The following EML6 variants were observed in gnomAD, a reference collection of about 807,000 sequenced individuals.
The protein encoded by EML6 is EMAP like 6.
A neutral mutation model predicts 240.1 loss-of-function variants in EML6; 154 were observed. That is an observed-to-expected ratio of 0.64 (90% CI 0.56 to 0.73). The LOEUF (loss-of-function observed/expected upper bound fraction) is 0.73, where lower values mean the gene tolerates loss of function less well. Ranked by LOEUF, EML6 falls within the 30% of genes least tolerant of loss-of-function variation. The pLI is 0.00. For synonymous variants in EML6, 1,148 were observed against 899.0 expected (o/e 1.28, Z -4.95); for missense variants, 2,964 against 2,474.6 (o/e 1.20, Z -4.20).
chr2:54,823,868 C>CTCTCTCTCTCTCTCTCTCTCTT (rs1376831009), intron 5 of EML6, among the ~76,000 whole-genome samples: 29 of 148,234 alleles, frequency 2.0e-4, no homozygotes, highest in African/African-American at 7.2e-4. Flanking sequence ...CTCTCTCTCT[C>CTCTCTCTCTCTCTCTCTCTCTT]TCTCTCTCTT....
At chr2:54,949,489 A>G (rs888350847) in intron 29 of EML6, among the ~76,000 whole-genome samples, 1 of 152,162 alleles carries the variant, frequency 6.6e-6, no homozygotes, top group African/African-American at 2.4e-5. Context: ...TCCCAAGCCC[A>G]AGATCACCAA....
chr2:54,800,441 TG>T (rs1670069418), intron 2 of EML6, among the ~76,000 whole-genome samples: 1 of 152,228 alleles, frequency 6.6e-6, no homozygotes, highest in East Asian at 1.9e-4. Context: ...ATATATATTT[TG>T]GGGTACCTAT....
At position 54,851,319 on chromosome 2, in the gene EML6, G is replaced by A. The variant is rs182453055; in HGVS notation, c.1444+1101G>A. Among the ~76,000 whole-genome samples, 389 of 152,220 alleles carry A rather than the reference G, an allele frequency of 2.6e-3. 3 individuals carry two copies. Among genetic ancestry groups the A allele is most frequent in the Non-Finnish European group, 3.0e-3 (202 of 67,996 alleles). On this transcript the variant is annotated intron_variant, in intron 10 of 41. Transcript: ENST00000356458. ...TTCCAGCTACTTGGGAGGCTAAGGCGGCAGAATTGCTTGAACCCAGGAGGT... is the reference window on the plus strand; with the variant it reads ...TTCCAGCTACTTGGGAGGCTAAGGCAGCAGAATTGCTTGAACCCAGGAGGT...
At chr2:54,838,982 C>T (rs1268840093) in intron 7 of EML6, among the ~76,000 whole-genome samples, 3 of 152,210 alleles carry the variant, frequency 2.0e-5, no homozygotes, top group Non-Finnish European at 4.4e-5. Flanking sequence ...ATTCCAAATA[C>T]TAGCTTATAT....
In EML6 at chr2:54,952,674, G is replaced by A. The variant is rs1205316907; in HGVS notation, c.4294G>A (p.Val1432Met). The change falls in exon 31 of 42, where the codon GTG becomes ATG. Residue 1432 changes from valine to methionine, a missense_variant. By Grantham distance (21) the Val-to-Met change is conservative (BLOSUM62 1). Coordinates refer to ENST00000356458, the MANE Select transcript of EML6 (RefSeq NM_001039753.4). ...VNQHPKYRNV[V>M]ATSQIGTTPS... ...CCAGCACCCCAAGTACAGAAACGTG[G>A]TGGCCACCAGCCAGATAGGTAGGAG... is the stretch of plus-strand genomic sequence containing the variant. The A allele has an allele frequency of 6.4e-7, 1 of 1,551,170 alleles. No individual in the cohort carries two copies. Among genetic ancestry groups the A allele is most frequent in the Non-Finnish European group, 8.7e-7 (1 of 1,146,746 alleles).
intron 11 of EML6, among the ~76,000 whole-genome samples, chr2:54,859,069 T>C (rs1670538284): frequency 2.0e-5 from 3 of 152,246 alleles, no homozygotes; most frequent in Admixed American, 6.5e-5. Flanking sequence ...CTGGGGTTAG[T>C]GTTCACTGAG....
At chr2:54,935,243 A>G (rs937695315) in intron 28 of EML6, among the ~76,000 whole-genome samples, 44 of 152,186 alleles carry the variant, frequency 2.9e-4, no homozygotes, top group African/African-American at 1.1e-3. Flanking sequence ...TCCCATGCTT[A>G]TCTTTGGTGT....
At chr2:54,775,392 T>C (rs914361022) in intron 2 of EML6, among the ~76,000 whole-genome samples, 5 of 152,172 alleles carry the variant, frequency 3.3e-5, no homozygotes, top group African/African-American at 1.2e-4. Context: ...TCAGGACTTT[T>C]GGACTTGTTC....
chr2:54,757,387 C>T (rs1478032484), intron 2 of EML6, among the ~76,000 whole-genome samples: 1 of 152,134 alleles, frequency 6.6e-6, no homozygotes, highest in African/African-American at 2.4e-5. Flanking sequence ...ATGGAGGATG[C>T]TGTAATACAA....
In EML6 at chr2:54,971,179, G is replaced by C. The variant is rs529511678; in HGVS notation, c.*1084G>C. The C allele has an allele frequency of 1.3e-5, 2 of 152,338 alleles. No homozygotes were observed. The highest frequency in any genetic ancestry group is 4.8e-5 in the African/African-American group (2 of 41,572). The allele number at this position is 152,338 out of a possible 1,614,324, so 9.4% of individuals were successfully genotyped here. A position where few individuals can be genotyped will look rare whatever the true frequency, so the allele number is the denominator to read the frequency against. On this transcript the variant is annotated 3_prime_UTR_variant, in exon 42 of 42. Transcript: ENST00000356458. The stretch of plus-strand genomic sequence containing the variant: ...AGTCCAGATTATAAAAAAATTATCT[G>C]CAGAACAAATTGTAAACCCAAGGAA...
chr2:54,969,929 T>G (rs948634597), intron 41 of EML6, 142 bp from the exon 42 acceptor site: 1 of 822,072 alleles, frequency 1.2e-6, no homozygotes, highest in African/African-American at 1.7e-5. Context: ...GGTGGCAAGA[T>G]CCCTGGTTTA....
rs897646286 is a variant in EML6 at position 54,916,816 on chromosome 2, A to C, written c.3556A>C (p.Ile1186Leu). The C allele has an allele frequency of 6.5e-7, 1 of 1,547,612 alleles. No individual in the cohort carries two copies. Among genetic ancestry groups the C allele is most frequent in the Admixed American group, 2.0e-5 (1 of 50,984 alleles). ...TGTCCTGGGGCCCACCTGTGAGGGA[A>C]TCTGGCCAGCACATAGCGATATAAC... ...TCVLGPTCEG[I>L]WPAHSDITDV... Residue 1186 changes from isoleucine to leucine, a missense_variant, in exon 26 of 42, where the codon ATC (isoleucine) becomes CTC (leucine). Ile to Leu is a conservative substitution (Grantham distance 5). Transcript: ENST00000356458.
rs1669828474 is a variant in EML6, at chr2:54,847,499, GC to G, written c.1064del (p.Ala355ValfsTer5). 9 of 1,551,590 alleles carry G rather than the reference GC, an allele frequency of 5.8e-6. No individual in the cohort carries two copies. The highest frequency in any genetic ancestry group is 7.8e-6 in the Non-Finnish European group (9 of 1,147,040). ...DDRSVRLWSL[A>X]DHALIARCNM... ...TCTTGTGCCTAGGCTGTGGAGCCTG[GC>G]TGATCATGCCTTGATCGCCCGCTGT... On this transcript the variant is annotated frameshift_variant, in exon 9 of 42. Transcript: ENST00000356458. LOFTEE classifies it high-confidence loss of function.
intron 12 of EML6, among the ~76,000 whole-genome samples, chr2:54,863,284 C>G (rs974020425): frequency 6.6e-6 from 1 of 152,118 alleles, no homozygotes; most frequent in Non-Finnish European, 1.5e-5. Flanking sequence ...AGCTTAAAAC[C>G]CAGGTATCTG....
chr2:54,886,720 G>C (rs1423125294), intron 17 of EML6, among the ~76,000 whole-genome samples: 3 of 151,880 alleles, frequency 2.0e-5, no homozygotes, highest in Non-Finnish European at 4.4e-5. Flanking sequence ...GTGCTGACTG[G>C]GTATATTTTC....
chr2:54,965,009 C>G (rs1676686056), intron 38 of EML6, among the ~76,000 whole-genome samples: 1 of 152,238 alleles, frequency 6.6e-6, no homozygotes, highest in Non-Finnish European at 1.5e-5. Context: ...CTCACCACCT[C>G]CTCTTCAGAG....
At chr2:54,850,486 G>T in intron 10 of EML6, 1 of 370,002 alleles carries the variant, frequency 2.7e-6, no homozygotes, top group South Asian at 5.3e-5. Flanking sequence ...GTAAAGACAA[G>T]GCATAGACTA....
In EML6 at chr2:54,725,850, A is replaced by G. The variant is rs1338221590; in HGVS notation, c.197+592A>G. 6.6e-6 allele frequency among the ~76,000 whole-genome samples: 1 copy of G among 152,248 alleles called. No homozygotes were observed. Among genetic ancestry groups the G allele is most frequent in the South Asian group, 2.1e-4 (1 of 4,836 alleles). On this transcript the variant is annotated intron_variant, in intron 2 of 41. Transcript: ENST00000356458. The surrounding 1 kb of genome is among the most constrained non-coding windows in gnomAD (Gnocchi z 4.3). The stretch of plus-strand genomic sequence containing the variant: ...TACACTAAATGGATGCTTCCACAGC[A>G]TCATTGAGGTTATTAAAGGCTGGCA...
At chr2:54,858,433 C>T (rs1298078172) in intron 11 of EML6, among the ~76,000 whole-genome samples, 1 of 152,196 alleles carries the variant, frequency 6.6e-6, no homozygotes, top group African/African-American at 2.4e-5. Flanking sequence ...AAAGAAGAGG[C>T]CAACACTTTA....
Sources: allele counts gnomAD v4.1 joint callset (sites outside exome capture counted in the v4.1 genomes callset), GRCh38; gene constraint gnomAD v4.1.1; non-coding constraint Gnocchi (gnomAD v3.1); transcripts MANE v1.5; gene names NCBI Gene and HGNC (gene_info 2026-07-23, HGNC 2026-07-21).